Variants in SLC3A2 observed in about 807,000 individuals in gnomAD.
SLC3A2 encodes the protein amino acid transporter heavy chain SLC3A2.
A neutral mutation model predicts 48.5 loss-of-function variants in SLC3A2; 32 were observed. That is an observed-to-expected ratio of 0.66 (90% CI 0.50 to 0.89). The LOEUF (loss-of-function observed/expected upper bound fraction) is 0.89. Among genes scored for constraint, SLC3A2 ranks in the 40% least tolerant of loss-of-function variants. The probability of loss-of-function intolerance (pLI) is 0.00; values close to 1 mark genes in which losing one functional copy is unlikely to be tolerated. For synonymous variants in SLC3A2, 277 were observed against 288.8 expected, an observed-to-expected ratio of 0.96 and a Z score of 0.41; for missense variants, 587 against 680.7, an observed-to-expected ratio of 0.86 and a Z score of 1.53.
intron 1 of SLC3A2, among the ~76,000 whole-genome samples, chr11:62,858,051 GAA>G (rs927288572): frequency 6.6e-6 from 1 of 150,744 alleles, no homozygotes. Flanking sequence ...ACATAGAAAA[GAA>G]AAAAAAACCG....
rs2085641985 is a variant in SLC3A2 at position 62,881,719 on chromosome 11, G to A, written c.425-174G>A. 2.4e-6 allele frequency: 2 copies of A among 848,660 alleles called. No individual in the cohort carries two copies. The highest frequency in any genetic ancestry group is 1.8e-5 in the South Asian group (1 of 54,638). 52.6% of individuals were successfully genotyped at this position (848,660 alleles called of 1,614,324 possible). On this transcript the variant is annotated intron_variant, in intron 1 of 8. Transcript: ENST00000338663. This position sits in a 1 kb window ranked among gnomAD's most constrained non-coding sequence, Gnocchi z 4.0. ...AAGCCAGTTGCAACCGGTTTCTGAAGTAATGTGCAGGACTCCTTACATCAG... is the reference window on the plus strand; with the variant it reads ...AAGCCAGTTGCAACCGGTTTCTGAAATAATGTGCAGGACTCCTTACATCAG...
chr11:62,857,378 C>A (rs1459629258), intron 1 of SLC3A2, among the ~76,000 whole-genome samples: 1 of 152,132 alleles, frequency 6.6e-6, no homozygotes, highest in African/African-American at 2.4e-5. Context: ...CCTGCCTCAG[C>A]CTCCCAAACT....
chr11:62,877,714 G>A (rs2085584560), upstream of SLC3A2, among the ~76,000 whole-genome samples: 1 of 152,238 alleles, frequency 6.6e-6, no homozygotes. Context: ...GCATGTACAA[G>A]ATGCAGAGCT....
intron 1 of SLC3A2, among the ~76,000 whole-genome samples, chr11:62,856,865 G>A (rs556187761): frequency 1.4e-5 from 2 of 142,460 alleles, no homozygotes; most frequent in East Asian, 4.1e-4. Flanking sequence ...CGCTCTTGTT[G>A]CCCAGGCTGG....
intron 3 of SLC3A2, chr11:62,883,339 G>A: frequency 3.5e-6 from 1 of 285,862 alleles, no homozygotes; most frequent in South Asian, 4.5e-5. Flanking sequence ...TGGTTTCCCA[G>A]TTCTTGTTTG....
intron 1 of SLC3A2, among the ~76,000 whole-genome samples, chr11:62,873,405 C>A (rs2085537464): frequency 6.6e-6 from 1 of 151,624 alleles, no homozygotes; most frequent in Non-Finnish European, 1.5e-5. Flanking sequence ...AGGAGAATCA[C>A]TTGAACCTGG....
chr11:62,870,859 A>G (rs1347329396), intron 1 of SLC3A2: 1 of 130,416 alleles, frequency 7.7e-6, no homozygotes, highest in Admixed American at 1.2e-4. Flanking sequence ...AATAATAATT[A>G]TTATTATTAT....
upstream of SLC3A2, among the ~76,000 whole-genome samples, chr11:62,878,187 A>AT (rs887537452): frequency 9.2e-5 from 14 of 151,934 alleles, no homozygotes; most frequent in African/African-American, 3.4e-4. Flanking sequence ...AACAAAAGGA[A>AT]TTGACTTCAG....
At chr11:62,870,432 C>T (rs1426499157) in intron 1 of SLC3A2, among the ~76,000 whole-genome samples, 4 of 151,458 alleles carry the variant, frequency 2.6e-5, no homozygotes, top group African/African-American at 9.8e-5. Flanking sequence ...GATCCGCCCG[C>T]CTTGGCTTCC....
intron 1 of SLC3A2, among the ~76,000 whole-genome samples, chr11:62,872,895 C>A (rs946242490): frequency 6.6e-6 from 1 of 152,210 alleles, no homozygotes; most frequent in African/African-American, 2.4e-5. Context: ...AGCCACTGTG[C>A]CTGGCCTAAC....
chr11:62,857,057 G>T (rs1267474719), intron 1 of SLC3A2, among the ~76,000 whole-genome samples: 1 of 151,716 alleles, frequency 6.6e-6, no homozygotes, highest in Admixed American at 6.6e-5. Flanking sequence ...TCCTGACCTC[G>T]GGTGATCCGC....
intron 1 of SLC3A2, chr11:62,856,476 G>T (rs941647204): frequency 8.9e-7 from 1 of 1,125,856 alleles, no homozygotes; most frequent in African/African-American, 1.6e-5. Flanking sequence ...CTGAAGACAG[G>T]ATCTGATTTT....
chr11:62,877,484 C>T (rs1026550412), upstream of SLC3A2, among the ~76,000 whole-genome samples: 8 of 152,228 alleles, frequency 5.3e-5, no homozygotes, highest in African/African-American at 1.9e-4. Flanking sequence ...TCCACAATAG[C>T]ACAAGGCTCC....
In SLC3A2 at chr11:62,884,578, C is replaced by T. The variant is rs1590635994; in HGVS notation, c.759+53C>T. On this transcript the variant is annotated intron_variant, in intron 4 of 8. Transcript: ENST00000338663. ...AAGCTTGGGCGAGAACAGAGGGACT[C>T]AGCTAGAGCCTCATAATATTCTCTG... is the stretch of plus-strand genomic sequence containing the variant. 3.1e-6 allele frequency: 5 copies of T among 1,613,046 alleles called. No homozygotes were observed. The East Asian group carries it at 1.1e-4, about 36-fold the overall frequency.
intron 1 of SLC3A2, among the ~76,000 whole-genome samples, chr11:62,864,307 G>GT (rs35455481): frequency 0.033 from 4,827 of 144,730 alleles, 170 homozygotes; most frequent in African/African-American, 0.088. Context: ...TAAATACTTG[G>GT]TTTTTTTTTT....
chr11:62,884,165 AC>A, intron 3 of SLC3A2: 1 of 548,428 alleles, frequency 1.8e-6, no homozygotes, highest in Non-Finnish European at 3.3e-6. Flanking sequence ...TTATGGACAT[AC>A]CTTTTCTCTG....
chr11:62,881,242 C>T lies in SLC3A2; in HGVS notation c.219C>T (p.Gly73=). 2 of 1,584,844 alleles carry T rather than the reference C, an allele frequency of 1.3e-6. No individual in the cohort carries two copies. The highest frequency in any genetic ancestry group is 2.3e-5 in the East Asian group (1 of 43,882). The change falls in exon 1 of 9, where the codon GGC becomes GGT. Residue 73 remains glycine (G), a synonymous_variant. Coordinates refer to ENST00000338663, the MANE Select transcript of SLC3A2 (RefSeq NM_001013251.3). This position sits in a 1 kb window ranked among gnomAD's most constrained non-coding sequence, Gnocchi z 4.0. ...AGGAGGAGCTGCTGAAGGTGGCAGG[C>T]AGCCCCGGCTGGGTACGCACCCGCT... is the stretch of plus-strand genomic sequence containing the variant. ...LSKEELLKVA[G]SPGWVRTRWA... is the part of the protein sequence containing the mutation.
chr11:62,867,902 G>A (rs949741510), intron 1 of SLC3A2, among the ~76,000 whole-genome samples: 7 of 151,226 alleles, frequency 4.6e-5, no homozygotes, highest in African/African-American at 1.7e-4. Context: ...TTTTACAAAT[G>A]TTCTACAAAT....
At chr11:62,863,744 T>C (rs1195543245) in intron 1 of SLC3A2, among the ~76,000 whole-genome samples, 1 of 152,202 alleles carries the variant, frequency 6.6e-6, no homozygotes, top group African/African-American at 2.4e-5. Flanking sequence ...ACCCAATTCA[T>C]AATGGGGCAG....
Sources: gnomAD v4.1 joint callset for allele counts (sites outside exome capture counted in the v4.1 genomes callset) on GRCh38, gnomAD v4.1.1 for gene constraint, Gnocchi (gnomAD v3.1) non-coding constraint, MANE v1.5 for transcripts, NCBI Gene and HGNC (gene_info 2026-07-23, HGNC 2026-07-21) for gene names.